The following RAB7A variants were observed in gnomAD, a reference collection of about 807,000 sequenced individuals.
RAB7A encodes RAB7A, member RAS oncogene family.
In RAB7A, 2 loss-of-function variants were observed where a neutral mutation model predicts 24.5. The observed-to-expected ratio is 0.08, with a 90% CI of 0.03 to 0.26. The LOEUF is 0.26. RAB7A is among the 10% of genes least tolerant of loss of function. RAB7A has a pLI of 1.00. For synonymous variants in RAB7A, 100 were observed against 95.9 expected (o/e 1.04, Z -0.25); for missense variants, 118 against 255.7 (o/e 0.46, Z 3.67).
At chr3:128,766,995 A>G (rs906429283) in intron 1 of RAB7A, among the ~76,000 whole-genome samples, 2 of 151,496 alleles carry the variant, frequency 1.3e-5, no homozygotes, top group African/African-American at 4.9e-5. Flanking sequence ...TAGTGGTCCT[A>G]GTTGGTATGA....
chr3:128,779,481 CA>C (rs757258309), intron 1 of RAB7A, among the ~76,000 whole-genome samples: 3 of 150,212 alleles, frequency 2.0e-5, no homozygotes, highest in Non-Finnish European at 2.9e-5. Flanking sequence ...CTGGCCTCAC[CA>C]TTTCTAAATA....
intron 1 of RAB7A, among the ~76,000 whole-genome samples, chr3:128,727,384 C>T (rs953979622): frequency 1.3e-5 from 2 of 151,572 alleles, no homozygotes; most frequent in Admixed American, 1.3e-4. Flanking sequence ...TTTCACGTAC[C>T]CCTGAAGCTT....
chr3:128,740,805 A>G (rs956819695), intron 1 of RAB7A, among the ~76,000 whole-genome samples: 114 of 148,706 alleles, frequency 7.7e-4, no homozygotes, highest in Admixed American at 9.5e-4. Context: ...TGGGAGATTC[A>G]GGGGAGGATC....
Position 128,795,351 on chromosome 3 carries a change from C to T in RAB7A, c.-8-9C>T. On this transcript the variant is annotated splice_polypyrimidine_tract_variant and intron_variant, in intron 1 of 5. Transcript: ENST00000265062. The stretch of plus-strand genomic sequence containing the variant: ...ACACTCACAGTGATTTCTCCTTTTC[C>T]CCCTTTAGTTTGAAGGATGACCTCT... 1 of 1,608,974 alleles carries T rather than the reference C, an allele frequency of 6.2e-7. No individual in the cohort carries two copies. Among genetic ancestry groups the T allele is most frequent in the Non-Finnish European group, 8.5e-7 (1 of 1,175,360 alleles).
chr3:128,813,555 C>A lies in RAB7A; in HGVS notation c.*133C>A. On this transcript the variant is annotated 3_prime_UTR_variant, in exon 6 of 6. Coordinates refer to ENST00000265062, the MANE Select transcript of RAB7A (RefSeq NM_004637.6). ...ACATCCAGCTGCCAAAAGAAAACCC[C>A]ATCAAACACAGTTACACCCCACATA... 1.3e-6 allele frequency: 1 copy of A among 794,338 alleles called. No individual in the cohort carries two copies. Among genetic ancestry groups the A allele is most frequent in the Admixed American group, 2.0e-5 (1 of 50,118 alleles). The allele number at this position is 794,338 out of a possible 1,614,324, so 49.2% of individuals were successfully genotyped here. A position where few individuals can be genotyped will look rare whatever the true frequency, so the allele number is the denominator to read the frequency against.
At chr3:128,740,140 G>A (rs1404749723) in intron 1 of RAB7A, among the ~76,000 whole-genome samples, 5 of 152,160 alleles carry the variant, frequency 3.3e-5, no homozygotes, top group Non-Finnish European at 7.3e-5. Flanking sequence ...ACTTTGGGAG[G>A]CCGCCGAGAT....
rs370801487 is a variant in RAB7A at position 128,784,259 on chromosome 3, T to C, written c.-8-11101T>C. Among the ~76,000 whole-genome samples, 16 of 152,332 alleles carry C rather than the reference T, an allele frequency of 1.1e-4. 1 individual carries two copies. Among genetic ancestry groups the C allele is most frequent in the Admixed American group, 3.3e-4 (5 of 15,302 alleles). On this transcript the variant is annotated intron_variant, in intron 1 of 5. Transcript: ENST00000265062. ...GAAACACGTTACTGTTTTTCAGACTTCCCTGATCTAAGAAATCCTCTTGGT... is the reference window on the plus strand; with the variant it reads ...GAAACACGTTACTGTTTTTCAGACTCCCCTGATCTAAGAAATCCTCTTGGT...
chr3:128,764,137 A>T (rs2070803234), intron 1 of RAB7A, among the ~76,000 whole-genome samples: 1 of 151,990 alleles, frequency 6.6e-6, no homozygotes, highest in Non-Finnish European at 1.5e-5. Flanking sequence ...TCTCCCTCCC[A>T]TTTAGCGGGG....
chr3:128,737,928 G>T (rs2070509092), intron 1 of RAB7A, among the ~76,000 whole-genome samples: 1 of 132,162 alleles, frequency 7.6e-6, no homozygotes, highest in African/African-American at 2.9e-5. Context: ...CTCCTATTTT[G>T]GCCTCCCAAA....
intron 1 of RAB7A, among the ~76,000 whole-genome samples, chr3:128,756,857 T>C (rs2070733396): frequency 1.3e-5 from 2 of 151,772 alleles, no homozygotes; most frequent in Admixed American, 1.3e-4. Flanking sequence ...TTTTTTTTTT[T>C]TTTTGAGACG....
At chr3:128,742,415 C>T (rs1431077137) in intron 1 of RAB7A, among the ~76,000 whole-genome samples, 1 of 152,108 alleles carries the variant, frequency 6.6e-6, no homozygotes, top group African/African-American at 2.4e-5. Flanking sequence ...GCTCGGGCAG[C>T]CTGCTTTTAT....
intron 1 of RAB7A, among the ~76,000 whole-genome samples, chr3:128,741,873 G>C (rs1409082638): frequency 6.6e-6 from 1 of 151,890 alleles, no homozygotes; most frequent in Non-Finnish European, 1.5e-5. Context: ...GAGTATAGTA[G>C]TGCGATCATG....
intron 3 of RAB7A, among the ~76,000 whole-genome samples, chr3:128,800,749 A>G (rs1933680807): frequency 2.0e-5 from 3 of 152,232 alleles, no homozygotes; most frequent in South Asian, 4.1e-4. Context: ...CTCTGCTGAA[A>G]TAACCCTCCT....
intron 1 of RAB7A, among the ~76,000 whole-genome samples, chr3:128,777,261 A>G (rs1217066522): frequency 1.3e-5 from 2 of 151,946 alleles, no homozygotes; most frequent in Non-Finnish European, 2.9e-5. Flanking sequence ...TTATATGATC[A>G]CTGCTCGCTA....
At chr3:128,734,378 A>C (rs773440322) in intron 1 of RAB7A, among the ~76,000 whole-genome samples, 3 of 150,096 alleles carry the variant, frequency 2.0e-5, no homozygotes, top group Non-Finnish European at 4.4e-5. Context: ...TTGCATGAGA[A>C]TCGCTTGAAC....
At chr3:128,789,730 G>A (rs1243848401) in intron 1 of RAB7A, among the ~76,000 whole-genome samples, 19 of 151,752 alleles carry the variant, frequency 1.3e-4, no homozygotes, top group Non-Finnish European at 1.5e-4. Flanking sequence ...ACATTTTGAA[G>A]CTAACTCTGC....
At chr3:128,733,514 C>G (rs895258078) in intron 1 of RAB7A, among the ~76,000 whole-genome samples, 1 of 152,146 alleles carries the variant, frequency 6.6e-6, no homozygotes, top group Non-Finnish European at 1.5e-5. Context: ...GTGGCTTAAA[C>G]AGAAATTTAT....
Position 128,813,814 on chromosome 3 carries a change from A to G in RAB7A, c.*392A>G, listed in dbSNP as rs994960992. ...AACTGTTTACAGTTAATCTGTGTCT[A>G]ATTATCTGATTTTTTTTATTGGTCT... On this transcript the variant is annotated 3_prime_UTR_variant, in exon 6 of 6. Transcript: ENST00000265062. 1 of 288,682 alleles carries G rather than the reference A, an allele frequency of 3.5e-6. No individual in the cohort carries two copies. 17.9% of individuals were successfully genotyped at this position (288,682 alleles called of 1,614,324 possible). A position where few individuals can be genotyped will look rare whatever the true frequency, so the allele number is the denominator to read the frequency against.
At chr3:128,809,656 A>T (rs1933876576) in intron 5 of RAB7A, among the ~76,000 whole-genome samples, 1 of 152,086 alleles carries the variant, frequency 6.6e-6, no homozygotes, top group Non-Finnish European at 1.5e-5. Context: ...TCTACCTCAG[A>T]TTTTTCTGTA....
Sources: gnomAD v4.1 joint callset for allele counts (sites outside exome capture counted in the v4.1 genomes callset) on GRCh38, gnomAD v4.1.1 for gene constraint, MANE v1.5 for transcripts, NCBI Gene and HGNC (gene_info 2026-07-23, HGNC 2026-07-21) for gene names.